The following PTK2 variants were observed in gnomAD, a reference collection of about 807,000 sequenced individuals.
The protein encoded by PTK2 is focal adhesion kinase 1.
A neutral mutation model predicts 150.1 loss-of-function variants in PTK2; 45 were observed. The observed-to-expected ratio is 0.30, with a 90% confidence interval of 0.24 to 0.38. The LOEUF is 0.38. Ranked by LOEUF, PTK2 falls within the 10% of genes least tolerant of loss-of-function variation. PTK2 has a pLI of 1.00. For synonymous variants in PTK2, 432 were observed against 449.2 expected (o/e 0.96, Z 0.48); for missense variants, 919 against 1,307.3 (o/e 0.70, Z 4.58).
intron 2 of PTK2, among the ~76,000 whole-genome samples, chr8:140,918,330 T>C (rs1233817215): frequency 6.6e-6 from 1 of 152,210 alleles, no homozygotes; most frequent in African/African-American, 2.4e-5. Context: ...TCTTTAGTCC[T>C]TCCTAGCCTT....
chr8:140,818,192 ATCTT>A (rs1246347755), intron 10 of PTK2, 81 bp downstream of exon 10: 1 of 1,255,478 alleles, frequency 8.0e-7, no homozygotes, highest in Non-Finnish European at 1.2e-6. Flanking sequence ...TTGTAAAATG[ATCTT>A]TTCCAAAAGA....
chr8:140,741,531 G>C (rs2100055675), intron 20 of PTK2, among the ~76,000 whole-genome samples: 1 of 151,698 alleles, frequency 6.6e-6, no homozygotes, highest in Admixed American at 6.6e-5. Flanking sequence ...ATAATATACA[G>C]AAGACATATG....
intron 26 of PTK2, among the ~76,000 whole-genome samples, chr8:140,689,916 T>C (rs2100022100): frequency 6.6e-6 from 1 of 152,238 alleles, no homozygotes; most frequent in African/African-American, 2.4e-5. Context: ...GGTTTGACTC[T>C]ACTGTAGCAG....
At chr8:140,686,675 G>C in exon 27 of PTK2, 1 of 1,613,872 alleles carries the variant, frequency 6.2e-7, no homozygotes, top group Non-Finnish European at 8.5e-7. Context: ...ACTGCCTCGA[G>C]AGAGTCTCAC....
At chr8:140,743,481 T>C (rs2100056899) in intron 19 of PTK2, 151 bp from the exon 23 acceptor site, 1 of 490,838 alleles carries the variant, frequency 2.0e-6, no homozygotes, top group Non-Finnish European at 3.6e-6. Flanking sequence ...ATATATATAA[T>C]AAATCTCATA....
intron 8 of PTK2, among the ~76,000 whole-genome samples, chr8:140,819,448 AT>A (rs1298219027): frequency 2.0e-5 from 3 of 152,266 alleles, no homozygotes; most frequent in Non-Finnish European, 4.4e-5. Context: ...ATAAAATAAA[AT>A]TCCAGGACAT....
intron 16 of PTK2, among the ~76,000 whole-genome samples, chr8:140,752,572 G>A (rs1362365296): frequency 6.6e-6 from 1 of 152,236 alleles, no homozygotes; most frequent in Non-Finnish European, 1.5e-5. Flanking sequence ...GATACACCAT[G>A]TGGCTGGTAC....
At chr8:140,734,752 C>T in intron 22 of PTK2, 1 of 518,108 alleles carries the variant, frequency 1.9e-6, no homozygotes, top group Non-Finnish European at 3.9e-6. Context: ...ATTAGGAAGC[C>T]TTCCTGAAGC....
chr8:140,852,277 A>G (rs1186288689), intron 5 of PTK2, among the ~76,000 whole-genome samples: 1 of 152,222 alleles, frequency 6.6e-6, no homozygotes, highest in African/African-American at 2.4e-5. Flanking sequence ...AATATAACGT[A>G]TAAACAACAG....
chr8:140,853,646 AAC>A (rs1487910072), intron 5 of PTK2, among the ~76,000 whole-genome samples: 2 of 152,092 alleles, frequency 1.3e-5, no homozygotes, highest in Non-Finnish European at 2.9e-5. Context: ...TGCCACAGTA[AAC>A]ACACGTGTGC....
At chr8:140,681,594 A>G (rs534406666) in intron 27 of PTK2, among the ~76,000 whole-genome samples, 149 of 152,058 alleles carry the variant, frequency 9.8e-4, no homozygotes, top group Middle Eastern at 3.4e-3. Context: ...CGGCTAACAC[A>G]GTGAAACACC....
In PTK2 at chr8:140,800,779, T is replaced by C. The variant is rs2100094575; in HGVS notation, c.976-203A>G. Reference sequence around the variant, plus strand: ...AATATGTGACAAATGCAAACCCAGATGAAAACAGAAAAATCACTTAAACTG... The same window carrying C: ...AATATGTGACAAATGCAAACCCAGACGAAAACAGAAAAATCACTTAAACTG... On this transcript the variant is annotated intron_variant, in intron 11 of 31. Transcript: ENST00000522684. Among the ~76,000 whole-genome samples, 3 of 152,238 alleles carry C rather than the reference T, an allele frequency of 2.0e-5. No individual in the cohort carries two copies. The South Asian group carries it at 6.2e-4, about 32-fold the overall frequency.
chr8:141,000,970 G>A (rs1447141848), intron 1 of PTK2, 155 bp downstream of exon 1: 2 of 151,836 alleles, frequency 1.3e-5, no homozygotes, highest in African/African-American at 4.8e-5. Flanking sequence ...GGGGGCGCGG[G>A]AGGGGCCGGT....
chr8:140,731,295 C>T (rs1432714859), intron 22 of PTK2, among the ~76,000 whole-genome samples: 1 of 152,072 alleles, frequency 6.6e-6, no homozygotes, highest in Non-Finnish European at 1.5e-5. Flanking sequence ...TTGGTGCGCT[C>T]TTATAACCTG....
At chr8:140,743,150 G>A (rs1288945192) in intron 20 of PTK2, 80 bp downstream of exon 23, 2 of 894,332 alleles carry the variant, frequency 2.2e-6, no homozygotes, top group Non-Finnish European at 3.5e-6. Flanking sequence ...AAGATCAGGT[G>A]AGCATATTAG....
chr8:140,778,785 CAAAA>C (rs2100079900), intron 14 of PTK2, among the ~76,000 whole-genome samples: 1 of 151,770 alleles, frequency 6.6e-6, no homozygotes, highest in Non-Finnish European at 1.5e-5. Flanking sequence ...CCAGAGAAGA[CAAAA>C]AAATGTGATG....
chr8:140,708,027 A>T (rs2100034762), intron 23 of PTK2, among the ~76,000 whole-genome samples: 2 of 152,250 alleles, frequency 1.3e-5, no homozygotes, highest in Non-Finnish European at 2.9e-5. Flanking sequence ...AAATGAATTC[A>T]AAGTTCATAG....
At position 140,758,772 on chromosome 8, in the gene PTK2, GT is replaced by G. The variant is rs1268615269; in HGVS notation, c.1332+2392del. On this transcript the variant is annotated intron_variant, in intron 16 of 31. Coordinates refer to ENST00000522684, the Ensembl canonical transcript of PTK2. ...ATTTAACGTAGCCAAAGCGTACAGT[GT>G]TTATAGCCTATAGTAGTGTAGTCAT... 5.9e-5 allele frequency among the ~76,000 whole-genome samples: 9 copies of G among 152,174 alleles called. No homozygotes were observed. In the East Asian group the frequency reaches 1.7e-3, roughly 29 times the overall value.
chr8:140,801,729 C>A (rs1458973935), intron 11 of PTK2, among the ~76,000 whole-genome samples: 1 of 152,048 alleles, frequency 6.6e-6, no homozygotes, highest in Non-Finnish European at 1.5e-5. Flanking sequence ...ATAATTTCTA[C>A]CCAGAGAATA....
Sources: gnomAD v4.1 joint callset for allele counts (sites outside exome capture counted in the v4.1 genomes callset) on GRCh38, gnomAD v4.1.1 for gene constraint, MANE v1.5 for transcripts, NCBI Gene and HGNC (gene_info 2026-07-23, HGNC 2026-07-21) for gene names.